Variants in ACAP2 observed in about 807,000 individuals in gnomAD.
The protein encoded by ACAP2 is arf-GAP with coiled-coil, ANK repeat and PH domain-containing protein 2.
A neutral mutation model predicts 115.8 loss-of-function variants in ACAP2; 39 were observed. The ratio of observed to expected loss-of-function variants is 0.34; its 90% CI spans 0.26 to 0.44. The LOEUF is 0.44. Ranked by LOEUF, ACAP2 falls within the 20% of genes least tolerant of loss-of-function variation. The probability of loss-of-function intolerance (pLI) is 1.00; values close to 1 mark genes in which losing one functional copy is unlikely to be tolerated. For missense variants in ACAP2, 662 were observed against 927.6 expected (o/e 0.71, Z 3.72); for synonymous variants, 289 against 315.8 (o/e 0.92, Z 0.90).
Position 195,404,925 on chromosome 3 carries a change from G to T in ACAP2, c.54-12778C>A, listed in dbSNP as rs546683005. Among the ~76,000 whole-genome samples, 5 of 151,666 alleles carry T rather than the reference G, an allele frequency of 3.3e-5. 1 individual carries two copies. Among genetic ancestry groups the T allele is most frequent in the Admixed American group, 3.3e-4 (5 of 15,230 alleles). ...CGATTCTCCTGCCTCAGCCTCCTGA[G>T]TAGCTGGGATTACAGATGAGCACCA... On this transcript the variant is annotated intron_variant, in intron 1 of 22. Transcript: ENST00000326793.
chr3:195,336,722 C>T (rs757233374), intron 7 of ACAP2: 74 of 558,728 alleles, frequency 1.3e-4, no homozygotes, highest in Non-Finnish European at 1.9e-4. Context: ...ATGGACCTCA[C>T]AGTGTATCAA....
chr3:195,386,582 A>C (rs1734317990), intron 2 of ACAP2, among the ~76,000 whole-genome samples: 1 of 152,132 alleles, frequency 6.6e-6, no homozygotes, highest in East Asian at 1.9e-4. Flanking sequence ...CATAAGTAGG[A>C]GTTGAACAAT....
chr3:195,432,387 A>G (rs754961456), intron 1 of ACAP2, among the ~76,000 whole-genome samples: 5 of 152,162 alleles, frequency 3.3e-5, no homozygotes, highest in Non-Finnish European at 7.3e-5. Flanking sequence ...TAGGGCTCCA[A>G]CTTCATACTT....
chr3:195,323,917 G>A (rs958421198), intron 9 of ACAP2, among the ~76,000 whole-genome samples: 3 of 152,130 alleles, frequency 2.0e-5, no homozygotes, highest in African/African-American at 7.2e-5. Flanking sequence ...AATACAATAG[G>A]ATTGTTTGTA....
Position 195,276,914 on chromosome 3 carries a change from A to T in ACAP2, c.*2414T>A, listed in dbSNP as rs961752086. The T allele has an allele frequency of 3.3e-5, 5 of 152,224 alleles. No individual in the cohort carries two copies. Among genetic ancestry groups the T allele is most frequent in the African/African-American group, 1.2e-4 (5 of 41,462 alleles). 9.4% of individuals were successfully genotyped at this position (152,224 alleles called of 1,614,324 possible). On this transcript the variant is annotated 3_prime_UTR_variant, in exon 23 of 23. Transcript: ENST00000326793. ...TACTTGTATTGCTAGGCTCCCTGCA[A>T]TATTAAAGATTTTGCTTTCTCTGAA...
chr3:195,359,836 G>A (rs184408383), intron 4 of ACAP2, among the ~76,000 whole-genome samples: 14 of 152,160 alleles, frequency 9.2e-5, no homozygotes, highest in East Asian at 3.9e-4. Context: ...ATTTGCTACC[G>A]TAAGATACTA....
chr3:195,343,683 CAG>C (rs1731015943), intron 5 of ACAP2, among the ~76,000 whole-genome samples: 1 of 152,176 alleles, frequency 6.6e-6, no homozygotes, highest in Admixed American at 6.5e-5. Context: ...CAATGAATAA[CAG>C]TATCCCTTTT....
rs1333239460 is a variant in ACAP2, at chr3:195,301,565, T to A, written c.1395+10A>T. On this transcript the variant is annotated intron_variant, in intron 15 of 22. Transcript: ENST00000326793. ...AATATGAAATATTTTAAAGCAAAAA[T>A]TTTTTTTACCTTTAAAAGTTCTGGC... The A allele has an allele frequency of 5.7e-6, 9 of 1,577,874 alleles. 1 individual carries two copies. Among genetic ancestry groups the A allele is most frequent in the African/African-American group, 1.4e-5 (1 of 73,014 alleles).
At chr3:195,438,240 C>A (rs1294489769) in intron 1 of ACAP2, among the ~76,000 whole-genome samples, 3 of 151,752 alleles carry the variant, frequency 2.0e-5, no homozygotes, top group Non-Finnish European at 2.9e-5. Flanking sequence ...GCTGGCCAGG[C>A]TGGTTTCGAA....
intron 21 of ACAP2, among the ~76,000 whole-genome samples, chr3:195,286,228 G>A (rs1307947920): frequency 6.6e-6 from 1 of 152,178 alleles, no homozygotes; most frequent in Non-Finnish European, 1.5e-5. Context: ...GCAGAAGTGA[G>A]AACCTGTCAT....
At chr3:195,306,749 G>C in intron 12 of ACAP2, 133 bp from the exon 13 acceptor site, 2 of 592,310 alleles carry the variant, frequency 3.4e-6, no homozygotes, top group Non-Finnish European at 5.5e-6. Context: ...TTGAAAGAAG[G>C]TTTTATTTCA....
chr3:195,435,867 T>C lies in ACAP2; in HGVS notation c.53+6928A>G, dbSNP rs1026501723. ...TCTATAGATAACTAGTAAGTCTTCTTGGTTTATAGCACTGTTCACATCTTC... is the reference window on the plus strand; with the variant it reads ...TCTATAGATAACTAGTAAGTCTTCTCGGTTTATAGCACTGTTCACATCTTC... On this transcript the variant is annotated intron_variant, in intron 1 of 22. Coordinates refer to ENST00000326793, the MANE Select transcript of ACAP2 (RefSeq NM_012287.6). Among the ~76,000 whole-genome samples the C allele has an allele frequency of 3.9e-5, 6 of 152,148 alleles. No homozygotes were observed. In the South Asian group the frequency reaches 8.3e-4, roughly 21 times the overall value.
At chr3:195,388,741 G>A (rs978223934) in intron 2 of ACAP2, among the ~76,000 whole-genome samples, 5 of 152,188 alleles carry the variant, frequency 3.3e-5, no homozygotes, top group African/African-American at 1.2e-4. Flanking sequence ...AACAATTTGA[G>A]CTGGGCATGG....
At chr3:195,414,222 T>C (rs930720210) in intron 1 of ACAP2, among the ~76,000 whole-genome samples, 4 of 152,090 alleles carry the variant, frequency 2.6e-5, no homozygotes, top group African/African-American at 9.7e-5. Flanking sequence ...GAAAGAAAAA[T>C]TGCACAGCCA....
chr3:195,297,817 A>G (rs1727754331), intron 15 of ACAP2, among the ~76,000 whole-genome samples: 1 of 152,188 alleles, frequency 6.6e-6, no homozygotes. Context: ...TCAGATAACA[A>G]ACAACACCTA....
At chr3:195,431,726 C>T (rs959078108) in intron 1 of ACAP2, among the ~76,000 whole-genome samples, 1 of 151,774 alleles carries the variant, frequency 6.6e-6, no homozygotes, top group Admixed American at 6.6e-5. Context: ...GGATTACAGG[C>T]ATGAGGCACC....
chr3:195,375,488 A>C (rs891302648), intron 4 of ACAP2, among the ~76,000 whole-genome samples: 2 of 141,812 alleles, frequency 1.4e-5, no homozygotes, highest in African/African-American at 2.7e-5. Flanking sequence ...TACAGCTCTA[A>C]ATTGAAAAAT....
chr3:195,327,745 C>A (rs534525679), intron 8 of ACAP2, among the ~76,000 whole-genome samples: 1 of 152,176 alleles, frequency 6.6e-6, no homozygotes, highest in South Asian at 2.1e-4. Flanking sequence ...GCCTGGCCAA[C>A]ATAGAGAAAC....
rs867937122 is a variant in ACAP2, at chr3:195,305,472, T to C, written c.1116+1039A>G. ...GAACCAAGACCTTTTCAGATATGCA[T>C]GGAATCACAAATGCCTCATTTTCAG... On this transcript the variant is annotated intron_variant, in intron 13 of 22. Coordinates refer to ENST00000326793, the MANE Select transcript of ACAP2 (RefSeq NM_012287.6). Among the ~76,000 whole-genome samples the C allele has an allele frequency of 3.9e-4, 59 of 152,290 alleles. No homozygotes were observed. In the Middle Eastern group the frequency reaches 0.017, roughly 44 times the overall value.
Sources: gnomAD v4.1 joint callset for allele counts (sites outside exome capture counted in the v4.1 genomes callset) on GRCh38, gnomAD v4.1.1 for gene constraint, MANE v1.5 for transcripts, NCBI Gene and HGNC (gene_info 2026-07-23, HGNC 2026-07-21) for gene names.